The following PLD5 variants were observed in gnomAD, a reference collection of about 807,000 sequenced individuals.
The protein encoded by PLD5 is inactive phospholipase D5.
A neutral mutation model predicts 61.1 loss-of-function variants in PLD5; 36 were observed. That is an observed-to-expected ratio of 0.59 (90% confidence interval 0.45 to 0.78). The LOEUF is 0.78. Ranked by LOEUF, PLD5 falls within the 30% of genes least tolerant of loss-of-function variation. The probability of loss-of-function intolerance (pLI) is 0.00; values close to 1 mark genes in which losing one functional copy is unlikely to be tolerated. For missense variants in PLD5, 515 were observed against 644.4 expected (o/e 0.80, Z 2.17); for synonymous variants, 243 against 242.8 (o/e 1.00, Z -0.01).
chr1:242,457,911 A>G (rs1252134114), intron 1 of PLD5, among the ~76,000 whole-genome samples: 2 of 152,174 alleles, frequency 1.3e-5, no homozygotes, highest in Non-Finnish European at 2.9e-5. Flanking sequence ...TATGTTAATG[A>G]CAGTATTTGG....
At chr1:242,216,903 A>G (rs1670243411) in intron 5 of PLD5, among the ~76,000 whole-genome samples, 1 of 152,218 alleles carries the variant, frequency 6.6e-6, no homozygotes, top group Admixed American at 6.5e-5. Context: ...TGAAGCCAAT[A>G]CACATCTACC....
intron 4 of PLD5, among the ~76,000 whole-genome samples, chr1:242,229,104 T>C (rs1010554445): frequency 1.3e-5 from 2 of 152,250 alleles, no homozygotes; most frequent in Non-Finnish European, 2.9e-5. Context: ...AAGAGCCTGT[T>C]GCACAGGTTG....
intron 1 of PLD5, among the ~76,000 whole-genome samples, chr1:242,394,916 GTA>G (rs1251881701): frequency 4.4e-5 from 3 of 67,482 alleles, no homozygotes; most frequent in African/African-American, 6.9e-5. Flanking sequence ...GAATATATAT[GTA>G]TATATGTATA....
At chr1:242,527,544 C>T (rs1381674334), upstream of PLD5, among the ~76,000 whole-genome samples, 12 of 152,292 alleles carry the variant, frequency 7.9e-5, no homozygotes, top group Admixed American at 1.3e-4. Context: ...ATCAAAAATA[C>T]TAGTCAAAAT....
intron 1 of PLD5, among the ~76,000 whole-genome samples, chr1:242,507,737 G>A (rs536599915): frequency 3.0e-4 from 45 of 152,198 alleles, no homozygotes; most frequent in African/African-American, 8.2e-4. Context: ...TGTTCATATC[G>A]GGAAGGAAAT....
At chr1:242,455,963 G>A (rs1666931547) in intron 1 of PLD5, among the ~76,000 whole-genome samples, 1 of 152,372 alleles carries the variant, frequency 6.6e-6, no homozygotes, top group East Asian at 1.9e-4. Flanking sequence ...GTGCCCCAGG[G>A]CAGAGACCTA....
chr1:242,223,135 C>T (rs895515082), intron 4 of PLD5, among the ~76,000 whole-genome samples: 3 of 152,124 alleles, frequency 2.0e-5, no homozygotes, highest in African/African-American at 7.2e-5. Context: ...ACAGAGGGTG[C>T]CTCCTCACTG....
intron 8 of PLD5, among the ~76,000 whole-genome samples, chr1:242,101,135 C>T (rs1302701663): frequency 6.6e-6 from 1 of 152,110 alleles, no homozygotes; most frequent in Admixed American, 6.6e-5. Context: ...TGCTTTCTGC[C>T]AAGCATGGCA....
intron 5 of PLD5, among the ~76,000 whole-genome samples, chr1:242,164,259 A>G (rs1666134430): frequency 6.6e-6 from 1 of 152,096 alleles, no homozygotes; most frequent in African/African-American, 2.4e-5. Context: ...CCTCAACCCC[A>G]CTGGATGTCA....
rs55943187 is a variant in PLD5, at chr1:242,312,234, AT to A, written c.327-23705del. ...TATTTTGTTCCTTTGAACAGGCCAGATTTTTTTTTTTAATTTTAATGTCTTG... is the reference window on the plus strand; with the variant it reads ...TATTTTGTTCCTTTGAACAGGCCAGATTTTTTTTTTAATTTTAATGTCTTG... On this transcript the variant is annotated intron_variant, in intron 2 of 9. Transcript: ENST00000536534. Among the ~76,000 whole-genome samples, 1,104 of 148,638 alleles carry A rather than the reference AT, an allele frequency of 7.4e-3. 6 individuals are homozygous for A. Among genetic ancestry groups the A allele is most frequent in the Admixed American group, 0.014 (203 of 14,964 alleles).
rs1292786307 is a variant in PLD5, at chr1:242,256,228, G to A, written c.607+9109C>T. 6.6e-6 allele frequency among the ~76,000 whole-genome samples: 1 copy of A among 152,162 alleles called. No individual in the cohort carries two copies. The highest frequency in any genetic ancestry group is 1.9e-4 in the East Asian group (1 of 5,196). ...CTGAGCACTGTCACTGTGACCAAGA[G>A]TTCACCCCAAGAGCATGCTTTGTAT... is the stretch of plus-strand genomic sequence containing the variant. On this transcript the variant is annotated intron_variant, in intron 4 of 9. Transcript: ENST00000536534. The surrounding 1 kb of genome is among the most constrained non-coding windows in gnomAD (Gnocchi z 5.7).
intron 2 of PLD5, among the ~76,000 whole-genome samples, chr1:242,306,344 C>T (rs1040157186): frequency 2.6e-5 from 4 of 151,228 alleles, no homozygotes; most frequent in Admixed American, 6.6e-5. Flanking sequence ...AGTACTTGAT[C>T]TTCTTAGGAT....
At chr1:242,259,517 T>C (rs1673267607) in intron 4 of PLD5, among the ~76,000 whole-genome samples, 1 of 152,166 alleles carries the variant, frequency 6.6e-6, no homozygotes, top group South Asian at 2.1e-4. Flanking sequence ...ATAATAAGAA[T>C]GAGACTGAAA....
In PLD5 at chr1:242,321,834, T is replaced by C. The variant is rs372763894; in HGVS notation, c.326+26272A>G. 1.1e-4 allele frequency among the ~76,000 whole-genome samples: 16 copies of C among 152,278 alleles called. No individual in the cohort carries two copies. In the East Asian group the frequency reaches 2.7e-3, roughly 26 times the overall value. On this transcript the variant is annotated intron_variant, in intron 2 of 9. Coordinates refer to ENST00000536534, the MANE Select transcript of PLD5 (RefSeq NM_001372062.1). ...TCCTTTTCTCCAATTAATCAACCTT[T>C]TGTGACTTGACTTTTAAATAATCCT...
intron 5 of PLD5, among the ~76,000 whole-genome samples, chr1:242,165,432 G>A (rs1263835682): frequency 2.7e-5 from 4 of 147,000 alleles, no homozygotes; most frequent in Non-Finnish European, 6.0e-5. Flanking sequence ...TGATAAATAG[G>A]TTGTGTGTGG....
At chr1:242,230,351 A>G (rs559747213) in intron 4 of PLD5, among the ~76,000 whole-genome samples, 2 of 152,236 alleles carry the variant, frequency 1.3e-5, no homozygotes, top group African/African-American at 4.8e-5. Flanking sequence ...AGCCTCAAGC[A>G]TATATCAAAG....
At chr1:242,457,469 G>T (rs1453844928) in intron 1 of PLD5, among the ~76,000 whole-genome samples, 1 of 152,170 alleles carries the variant, frequency 6.6e-6, no homozygotes, top group Non-Finnish European at 1.5e-5. Context: ...ATGGTGGAAA[G>T]ATCTAATATA....
chr1:242,228,082 G>T (rs1295331498), intron 4 of PLD5, among the ~76,000 whole-genome samples: 1 of 152,218 alleles, frequency 6.6e-6, no homozygotes, highest in African/African-American at 2.4e-5. Context: ...TTCTGAAGAG[G>T]TTTAACAATG....
At chr1:242,300,275 C>T (rs1675949169) in intron 2 of PLD5, among the ~76,000 whole-genome samples, 1 of 151,954 alleles carries the variant, frequency 6.6e-6, no homozygotes, top group African/African-American at 2.4e-5. Context: ...CCTGTCTCTA[C>T]TGAAAATACA....
Sources: allele counts gnomAD v4.1 joint callset (sites outside exome capture counted in the v4.1 genomes callset), GRCh38; gene constraint gnomAD v4.1.1; non-coding constraint Gnocchi (gnomAD v3.1); transcripts MANE v1.5; gene names NCBI Gene and HGNC (gene_info 2026-07-23, HGNC 2026-07-21).